Variants in CSNK1G3 observed in about 807,000 individuals in gnomAD.
The protein encoded by CSNK1G3 is casein kinase I isoform gamma-3.
In CSNK1G3, 23 loss-of-function variants were observed where a neutral mutation model predicts 64.3. The ratio of observed to expected loss-of-function variants is 0.36; its 90% CI spans 0.26 to 0.51. CSNK1G3 has a LOEUF of 0.51. CSNK1G3 is among the 20% of genes least tolerant of loss of function. The probability of loss-of-function intolerance (pLI) is 0.96; values close to 1 mark genes in which losing one functional copy is unlikely to be tolerated. For missense variants in CSNK1G3, 357 were observed against 510.5 expected (o/e 0.70, Z 2.90); for synonymous variants, 158 against 162.2 (o/e 0.97, Z 0.20).
chr5:123,574,213 T>C lies in CSNK1G3; in HGVS notation c.438+672T>C, dbSNP rs376198264. On this transcript the variant is annotated intron_variant, in intron 5 of 12. Transcript: ENST00000345990. ...CCTGGAAAAACAAGAGGCAGACTAA[T>C]GAGAGAGTCTTGATAAACTACTTAG... 2.6e-5 allele frequency among the ~76,000 whole-genome samples: 4 copies of C among 152,258 alleles called. No homozygotes were observed. The South Asian group carries it at 8.3e-4, about 32-fold the overall frequency.
At chr5:123,575,490 G>A (rs958738230) in intron 5 of CSNK1G3, among the ~76,000 whole-genome samples, 2 of 152,104 alleles carry the variant, frequency 1.3e-5, no homozygotes, top group Non-Finnish European at 2.9e-5. Flanking sequence ...TGATATGAAA[G>A]GAATTCATAA....
At chr5:123,612,477 C>G (rs1796498305) in intron 12 of CSNK1G3, among the ~76,000 whole-genome samples, 1 of 150,262 alleles carries the variant, frequency 6.7e-6, no homozygotes, top group Non-Finnish European at 1.5e-5. Flanking sequence ...ACACTTGAAG[C>G]TATTTTTTTT....
At chr5:123,513,021 C>A (rs1030820922) in intron 1 of CSNK1G3, among the ~76,000 whole-genome samples, 15 of 151,776 alleles carry the variant, frequency 9.9e-5, no homozygotes, top group Admixed American at 1.3e-4. Flanking sequence ...AGGAAGGAGG[C>A]ATGGATAGGC....
intron 6 of CSNK1G3, among the ~76,000 whole-genome samples, chr5:123,578,495 T>G (rs1049358650): frequency 2.0e-5 from 3 of 151,954 alleles, no homozygotes; most frequent in Admixed American, 1.3e-4. Context: ...TCTTTATATA[T>G]TCTGGGTATA....
chr5:123,564,998 A>AT (rs1786547788), intron 4 of CSNK1G3, among the ~76,000 whole-genome samples: 1 of 152,176 alleles, frequency 6.6e-6, no homozygotes, highest in Non-Finnish European at 1.5e-5. Context: ...GATATTTACC[A>AT]TATTAGAAAT....
exon 2 of CSNK1G3, chr5:123,545,500 G>A (rs1782379598): frequency 6.1e-6 from 3 of 490,536 alleles, no homozygotes; most frequent in Admixed American, 7.2e-5. Flanking sequence ...AAAATTTTAC[G>A]AATGGGATGA....
intron 1 of CSNK1G3, among the ~76,000 whole-genome samples, chr5:123,513,705 T>C (rs1776646787): frequency 6.6e-6 from 1 of 152,198 alleles, no homozygotes; most frequent in African/African-American, 2.4e-5. Context: ...AAATGAAAAG[T>C]ATATACTTTT....
intron 4 of CSNK1G3, among the ~76,000 whole-genome samples, chr5:123,570,416 C>G (rs895073045): frequency 6.1e-5 from 9 of 148,152 alleles, no homozygotes; most frequent in African/African-American, 2.3e-4. Flanking sequence ...TGCAGTGGCG[C>G]GATCTTGGCT....
intron 6 of CSNK1G3, among the ~76,000 whole-genome samples, chr5:123,583,275 A>AT (rs1422514174): frequency 7.1e-6 from 1 of 141,544 alleles, no homozygotes; most frequent in Non-Finnish European, 1.6e-5. Flanking sequence ...GTATCCTTAC[A>AT]TATTTCCTGT....
chr5:123,609,741 T>C (rs373748988), intron 12 of CSNK1G3, among the ~76,000 whole-genome samples: 1 of 152,182 alleles, frequency 6.6e-6, no homozygotes, highest in Non-Finnish European at 1.5e-5. Context: ...TTCTTACTTT[T>C]CCCTTCCTTC....
intron 4 of CSNK1G3, among the ~76,000 whole-genome samples, chr5:123,565,000 A>T (rs1786548352): frequency 6.6e-6 from 1 of 152,198 alleles, no homozygotes; most frequent in African/African-American, 2.4e-5. Flanking sequence ...TATTTACCAT[A>T]TTAGAAATTA....
chr5:123,549,289 A>G (rs376919345), intron 2 of CSNK1G3, among the ~76,000 whole-genome samples: 20 of 152,168 alleles, frequency 1.3e-4, no homozygotes, highest in Non-Finnish European at 2.5e-4. Flanking sequence ...GTTGTATTAT[A>G]TATGTATTTT....
In CSNK1G3 at chr5:123,585,536, T is replaced by A. The variant is rs1186583427; in HGVS notation, c.674-2532T>A. Reference sequence around the variant, plus strand: ...TTAAGAAAACAAAAAAATAGCAAGCTGTTTTCTTGAAGGGAAAAGGTATTG... The same window carrying A: ...TTAAGAAAACAAAAAAATAGCAAGCAGTTTTCTTGAAGGGAAAAGGTATTG... On this transcript the variant is annotated intron_variant, in intron 6 of 12. Coordinates refer to ENST00000345990, the Ensembl canonical transcript of CSNK1G3. Among the ~76,000 whole-genome samples, 8 of 152,166 alleles carry A rather than the reference T, an allele frequency of 5.3e-5. 1 individual carries two copies. The highest frequency in any genetic ancestry group is 1.0e-4 in the Non-Finnish European group (7 of 68,018).
chr5:123,604,210 G>A (rs1794959134), intron 10 of CSNK1G3, among the ~76,000 whole-genome samples: 1 of 152,082 alleles, frequency 6.6e-6, no homozygotes, highest in Non-Finnish European at 1.5e-5. Context: ...AGGAATCACA[G>A]TGACCCCTAC....
intron 12 of CSNK1G3, among the ~76,000 whole-genome samples, 174 bp from the exon 14 acceptor site, chr5:123,614,168 A>G (rs1461710167): frequency 2.6e-5 from 4 of 152,248 alleles, no homozygotes; most frequent in Admixed American, 6.5e-5. Flanking sequence ...TGAATGAAAC[A>G]TAATAGTAAT....
At chr5:123,560,245 G>A (rs1785418199) in intron 4 of CSNK1G3, among the ~76,000 whole-genome samples, 1 of 152,146 alleles carries the variant, frequency 6.6e-6, no homozygotes, top group Admixed American at 6.5e-5. Flanking sequence ...TATGGATATG[G>A]AGAAATTGGA....
At chr5:123,517,284 C>G (rs940856147) in intron 1 of CSNK1G3, among the ~76,000 whole-genome samples, 1 of 152,282 alleles carries the variant, frequency 6.6e-6, no homozygotes, top group East Asian at 1.9e-4. Context: ...TTAGTTTTAT[C>G]TTGAACTTTT....
chr5:123,606,305 G>A (rs967708920), intron 12 of CSNK1G3, among the ~76,000 whole-genome samples: 1 of 152,096 alleles, frequency 6.6e-6, no homozygotes, highest in Non-Finnish European at 1.5e-5. Flanking sequence ...ATCCGTGAAA[G>A]TATAGTCTTA....
chr5:123,591,299 C>A lies in CSNK1G3; in HGVS notation c.991-20C>A. 6.8e-7 allele frequency: 1 copy of A among 1,468,806 alleles called. No individual in the cohort carries two copies. Among genetic ancestry groups the A allele is most frequent in the Admixed American group, 2.1e-5 (1 of 48,578 alleles). 91.0% of individuals were successfully genotyped at this position (1,468,806 alleles called of 1,614,324 possible). On this transcript the variant is annotated intron_variant, in intron 9 of 12. Transcript: ENST00000345990. ...ATTTTAAAATGGAATGTATTGATACCAATTGTTATTGTATTGTAGCCTACT... is the reference window on the plus strand; with the variant it reads ...ATTTTAAAATGGAATGTATTGATACAAATTGTTATTGTATTGTAGCCTACT...
Sources: gnomAD v4.1 joint callset for allele counts (sites outside exome capture counted in the v4.1 genomes callset) on GRCh38, gnomAD v4.1.1 for gene constraint, MANE v1.5 for transcripts, NCBI Gene and HGNC (gene_info 2026-07-23, HGNC 2026-07-21) for gene names.